Variants in PCDHGB2 observed in about 807,000 individuals in gnomAD.
PCDHGB2 encodes protocadherin gamma subfamily B, 2, also known as protocadherin gamma-B2.
A neutral mutation model predicts 59.3 loss-of-function variants in PCDHGB2; 55 were observed. The observed-to-expected ratio is 0.93, with a 90% CI of 0.75 to 1.16. The LOEUF (loss-of-function observed/expected upper bound fraction) is 1.16, where lower values mean the gene tolerates loss of function less well. PCDHGB2 is among the 50% of genes most tolerant of loss of function. PCDHGB2 has a pLI of 0.00. For synonymous variants in PCDHGB2, 516 were observed against 512.0 expected, an observed-to-expected ratio of 1.01 and a Z score of -0.11; for missense variants, 1,228 against 1,198.5, an observed-to-expected ratio of 1.02 and a Z score of -0.36.
In PCDHGB2 at chr5:141,487,938, G is replaced by A; in HGVS notation, c.2422-6869G>A. ...GAGGCTACAGTGCACAGGGTACAGT[G>A]CACCAGGCAGTCACTTGGACAAAGG... is the stretch of plus-strand genomic sequence containing the variant. On this transcript the variant is annotated intron_variant, in intron 1 of 3. Coordinates refer to ENST00000522605, the MANE Select transcript of PCDHGB2 (RefSeq NM_018923.3). This position sits in a 1 kb window ranked among gnomAD's most constrained non-coding sequence, Gnocchi z 5.0. 1.7e-6 allele frequency: 1 copy of A among 600,308 alleles called. No homozygotes were observed. The highest frequency in any genetic ancestry group is 2.9e-6 in the Non-Finnish European group (1 of 342,970). 37.2% of individuals were successfully genotyped at this position (600,308 alleles called of 1,614,324 possible).
At position 141,432,025 on chromosome 5, in the gene PCDHGB2, G is replaced by C. The variant is rs768627576; in HGVS notation, c.2422-62782G>C. 2 of 1,614,158 alleles carry C rather than the reference G, an allele frequency of 1.2e-6. No homozygotes were observed. The highest frequency in any genetic ancestry group is 3.3e-4 in the Middle Eastern group (2 of 6,062). ...AGGTTCCTAGCTACAACATCACAGTGACCGCCACTGACCGGGGAACCCCGC... is the reference window on the plus strand; with the variant it reads ...AGGTTCCTAGCTACAACATCACAGTCACCGCCACTGACCGGGGAACCCCGC... On this transcript the variant is annotated intron_variant, in intron 1 of 3. Transcript: ENST00000522605. The surrounding 1 kb of genome is among the most constrained non-coding windows in gnomAD (Gnocchi z 6.0).
intron 1 of PCDHGB2, chr5:141,428,099 C>T: frequency 6.8e-6 from 11 of 1,608,710 alleles, no homozygotes; most frequent in East Asian, 2.2e-5. Context: ...TGTCCTACCA[C>T]GTGCTGCAGG....
At chr5:141,386,658 G>A (rs191902245) in intron 1 of PCDHGB2, among the ~76,000 whole-genome samples, 60 of 151,932 alleles carry the variant, frequency 3.9e-4, no homozygotes, top group African/African-American at 1.4e-3. Context: ...TACAAGTTCT[G>A]CAGTGTTCAC....
rs953397576 is a variant in PCDHGB2, at chr5:141,410,111, G to A, written c.2421+47555G>A. 6 of 1,612,264 alleles carry A rather than the reference G, an allele frequency of 3.7e-6. No homozygotes were observed. In the African/African-American group the frequency reaches 6.7e-5, roughly 18 times the overall value. On this transcript the variant is annotated intron_variant, in intron 1 of 3. Transcript: ENST00000522605. ...GGCTCGAGCCTTAGGCGACAGGGACGCAGCCCGCCAGCGCCTGCTGGTCGC... is the reference window on the plus strand; with the variant it reads ...GGCTCGAGCCTTAGGCGACAGGGACACAGCCCGCCAGCGCCTGCTGGTCGC...
chr5:141,465,782 T>G (rs2099109563), intron 1 of PCDHGB2, among the ~76,000 whole-genome samples: 1 of 152,076 alleles, frequency 6.6e-6, no homozygotes, highest in African/African-American at 2.4e-5. Flanking sequence ...TGTTACAGTT[T>G]TTTTTTTTTT....
intron 1 of PCDHGB2, chr5:141,423,295 C>A: frequency 6.2e-7 from 1 of 1,614,146 alleles, no homozygotes; most frequent in Non-Finnish European, 8.5e-7. Context: ...AACCTCAGAC[C>A]TCTCGCTGTA....
rs778246278 is a variant in PCDHGB2 at position 141,491,522 on chromosome 5, A to C, written c.2422-3285A>C. The C allele has an allele frequency of 6.2e-6, 10 of 1,614,024 alleles. No individual in the cohort carries two copies. The highest frequency in any genetic ancestry group is 8.5e-6 in the Non-Finnish European group (10 of 1,180,002). ...TCGGACGGCACGCTCAAGTACATGGAGGTGACGCTGCGGCCCACAGACTCG... is the reference window on the plus strand; with the variant it reads ...TCGGACGGCACGCTCAAGTACATGGCGGTGACGCTGCGGCCCACAGACTCG... On this transcript the variant is annotated intron_variant, in intron 1 of 3. Coordinates refer to ENST00000522605, the MANE Select transcript of PCDHGB2 (RefSeq NM_018923.3). The surrounding 1 kb of genome is among the most constrained non-coding windows in gnomAD (Gnocchi z 6.9).
At chr5:141,438,633 TATAC>T (rs1373299550) in intron 1 of PCDHGB2, among the ~76,000 whole-genome samples, 3,683 of 33,472 alleles carry the variant, frequency 0.11, 56 homozygotes, top group Non-Finnish European at 0.14. Flanking sequence ...TATATATATA[TATAC>T]ACACACACAC....
chr5:141,428,110 C>G (rs917739943), intron 1 of PCDHGB2: 11 of 1,607,538 alleles, frequency 6.8e-6, no homozygotes, highest in Middle Eastern at 3.4e-4. Context: ...GTGCTGCAGG[C>G]CATCGAGCCC....
chr5:141,495,449 GCT>G (rs560850951), intron 2 of PCDHGB2, among the ~76,000 whole-genome samples: 3 of 152,194 alleles, frequency 2.0e-5, no homozygotes, highest in Non-Finnish European at 2.9e-5. Flanking sequence ...TACTTGTCCT[GCT>G]CTCTGTCTGT....
rs564486909 is a variant in PCDHGB2, at chr5:141,428,072, G to A, written c.2421+65516G>A. The A allele has an allele frequency of 1.6e-5, 25 of 1,609,080 alleles. No individual in the cohort carries two copies. The South Asian group carries it at 1.9e-4, about 12-fold the overall frequency. On this transcript the variant is annotated intron_variant, in intron 1 of 3. Coordinates refer to ENST00000522605, the MANE Select transcript of PCDHGB2 (RefSeq NM_018923.3). The stretch of plus-strand genomic sequence containing the variant: ...AGGTGGTGGCGGTGGACGCAGATTC[G>A]GGACACAACGCTTGGCTGTCCTACC...
rs1005709757 is a variant in PCDHGB2 at position 141,495,051 on chromosome 5, A to G, written c.2480+186A>G. Among the ~76,000 whole-genome samples, 3 of 152,042 alleles carry G rather than the reference A, an allele frequency of 2.0e-5. No homozygotes were observed. In the East Asian group the frequency reaches 5.8e-4, roughly 29 times the overall value. On this transcript the variant is annotated intron_variant, in intron 2 of 3. Transcript: ENST00000522605. ...CCGGAAGGAAGAGGCGACTGCCCTG[A>G]CTGTTCAGGAAGCTCAATTCACATG... is the stretch of plus-strand genomic sequence containing the variant.
At chr5:141,475,889 T>C in intron 1 of PCDHGB2, 1 of 562,248 alleles carries the variant, frequency 1.8e-6, no homozygotes, top group Non-Finnish European at 3.1e-6. Context: ...GCTGGGACTC[T>C]GTGTGCCGCT....
intron 1 of PCDHGB2, among the ~76,000 whole-genome samples, chr5:141,464,440 T>C (rs566597587): frequency 6.6e-6 from 1 of 151,608 alleles, no homozygotes; most frequent in South Asian, 2.1e-4. Context: ...TATATGTTTG[T>C]TGTTGTTGTT....
At chr5:141,405,357 A>G in intron 1 of PCDHGB2, 1 of 1,613,846 alleles carries the variant, frequency 6.2e-7, no homozygotes, top group Non-Finnish European at 8.5e-7. Flanking sequence ...TTTCCTATAG[A>G]AGACACCCCT....
intron 1 of PCDHGB2, among the ~76,000 whole-genome samples, chr5:141,456,538 A>T (rs1010588747): frequency 7.2e-5 from 11 of 152,184 alleles, no homozygotes; most frequent in Admixed American, 3.3e-4. Context: ...TTAAAGAGGG[A>T]TTGTAGCCAC....
intron 1 of PCDHGB2, chr5:141,394,163 T>C (rs1207627975): frequency 3.7e-6 from 6 of 1,613,782 alleles, no homozygotes; most frequent in Non-Finnish European, 5.1e-6. Flanking sequence ...ACAACCCTCC[T>C]ACTTTCCCTC....
intron 1 of PCDHGB2, chr5:141,440,087 A>C (rs1014881024): frequency 6.6e-6 from 1 of 152,316 alleles, no homozygotes; most frequent in African/African-American, 2.4e-5. Context: ...CTTCATTCTA[A>C]GTGGGGAAAG....
intron 1 of PCDHGB2, chr5:141,407,965 G>A (rs2095011875): frequency 4.4e-6 from 3 of 688,096 alleles, no homozygotes; most frequent in Non-Finnish European, 6.9e-6. Flanking sequence ...CAGAGCAAGC[G>A]CTGACGCCGG....
Sources: gnomAD v4.1 joint callset for allele counts (sites outside exome capture counted in the v4.1 genomes callset) on GRCh38, gnomAD v4.1.1 for gene constraint, Gnocchi (gnomAD v3.1) non-coding constraint, MANE v1.5 for transcripts, NCBI Gene and HGNC (gene_info 2026-07-23, HGNC 2026-07-21) for gene names.